The following SGCA variants were observed in gnomAD, a reference collection of about 807,000 sequenced individuals.
SGCA encodes the protein alpha-sarcoglycan.
SGCA carries 34 observed loss-of-function variants against 38.1 expected under a neutral mutation model. The ratio of observed to expected loss-of-function variants is 0.89; its 90% CI spans 0.68 to 1.19. The LOEUF (loss-of-function observed/expected upper bound fraction) is 1.19. Among genes scored for constraint, SGCA ranks in the 50% most tolerant of loss-of-function variants. The pLI, the probability that SGCA is intolerant of heterozygous loss-of-function variation, is 0.00. For missense variants in SGCA, 476 were observed against 524.9 expected, an observed-to-expected ratio of 0.91 and a Z score of 0.91; for synonymous variants, 209 against 214.6, an observed-to-expected ratio of 0.97 and a Z score of 0.23.
rs374090814 is a variant in SGCA, at chr17:50,168,626, G to A, written c.584+54G>A. The A allele has an allele frequency of 9.2e-5, 138 of 1,493,364 alleles. 1 individual carries two copies. Among genetic ancestry groups the A allele is most frequent in the South Asian group, 8.1e-4 (67 of 82,798 alleles). The allele number at this position is 1,493,364 out of a possible 1,614,324, so 92.5% of individuals were successfully genotyped here. A position where few individuals can be genotyped will look rare whatever the true frequency, so the allele number is the denominator to read the frequency against. ...GAAAGAGGAGGATGCAGCTTGTGGC[G>A]GGCATAGAACAAGGGTCTCCCTAAT... On this transcript the variant is annotated intron_variant, in intron 5 of 9. Transcript: ENST00000262018.
At chr17:50,172,411 G>T (rs1476880930) in intron 8 of SGCA, 1 of 418,134 alleles carries the variant, frequency 2.4e-6, no homozygotes, top group East Asian at 7.3e-5. Context: ...TGCGCTTGTG[G>T]GCCAGACAGC....
intron 8 of SGCA, 120 bp from the exon 9 acceptor site, chr17:50,175,137 G>A (rs919498039): frequency 1.2e-5 from 11 of 929,510 alleles, no homozygotes; most frequent in East Asian, 2.6e-5. Context: ...TGCATCATGT[G>A]TCTGAGTCTC....
chr17:50,170,205 G>A lies in SGCA; in HGVS notation c.810G>A (p.Glu270=), dbSNP rs1483971954. The A allele has an allele frequency of 3.7e-6, 6 of 1,614,078 alleles. 1 individual carries two copies. The South Asian group carries it at 6.6e-5, about 18-fold the overall frequency. The change falls in exon 7 of 10, where the codon GAG becomes GAA. Residue 270 remains glutamate (E), a synonymous_variant. Transcript: ENST00000262018. Reference sequence around the variant, plus strand: ...CCACCCCAGGTGATGGGATCCTGGAGCATGACCCGTTCTTCTGCCCACCCA... The same window carrying A: ...CCACCCCAGGTGATGGGATCCTGGAACATGACCCGTTCTTCTGCCCACCCA... ...EVPTPGDGIL[E]HDPFFCPPTE... is the part of the protein sequence containing the mutation.
intron 8 of SGCA, chr17:50,171,567 C>A (rs1391902622): frequency 6.6e-6 from 3 of 456,686 alleles, no homozygotes; most frequent in Non-Finnish European, 1.3e-5. Flanking sequence ...GCCGCTTGTG[C>A]CCCTGTTTGG....
In SGCA at chr17:50,167,503, G is replaced by C. The variant is rs1235267765; in HGVS notation, c.157+16G>C. On this transcript the variant is annotated intron_variant, in intron 2 of 9. Transcript: ENST00000262018. The surrounding 1 kb of genome is among the most constrained non-coding windows in gnomAD (Gnocchi z 4.5). Reference sequence around the variant, plus strand: ...GAGCATGTCGGTGAGCGGCCTGACAGGCACCCAGGCGGGCGGGCTGGGGTG... The same window carrying C: ...GAGCATGTCGGTGAGCGGCCTGACACGCACCCAGGCGGGCGGGCTGGGGTG... The C allele has an allele frequency of 4.3e-6, 7 of 1,614,032 alleles. No homozygotes were observed. Among genetic ancestry groups the C allele is most frequent in the Non-Finnish European group, 5.1e-6 (6 of 1,180,020 alleles).
chr17:50,171,880 C>T (rs557594242), intron 8 of SGCA: 68 of 456,784 alleles, frequency 1.5e-4, no homozygotes, highest in Non-Finnish European at 2.2e-4. Context: ...TCACCTTGGA[C>T]GTGCTGGGCT....
chr17:50,174,639 G>A (rs1237044124), intron 8 of SGCA, among the ~76,000 whole-genome samples: 2 of 151,810 alleles, frequency 1.3e-5, no homozygotes, highest in Non-Finnish European at 2.9e-5. Context: ...GAGCCACTGC[G>A]CCCGGCCTGG....
chr17:50,167,311 T>C lies in SGCA; in HGVS notation c.38-57T>C. ...AGGACTTGGTGGGGAAGGGAGCTTA[T>C]CCCCTGCCCAGGACTGAGGCTGGCC... On this transcript the variant is annotated intron_variant, in intron 1 of 9. Coordinates refer to ENST00000262018, the MANE Select transcript of SGCA (RefSeq NM_000023.4). The surrounding 1 kb of genome is among the most constrained non-coding windows in gnomAD (Gnocchi z 4.5). 1 of 1,611,678 alleles carries C rather than the reference T, an allele frequency of 6.2e-7. No individual in the cohort carries two copies.
chr17:50,172,215 C>T (rs201384458), intron 8 of SGCA: 5 of 457,098 alleles, frequency 1.1e-5, no homozygotes, highest in South Asian at 1.5e-5. Context: ...CGGTCACCCA[C>T]GGCTGGCCTC....
intron 4 of SGCA, 69 bp downstream of exon 4, chr17:50,168,088 G>T: frequency 1.4e-6 from 2 of 1,445,996 alleles, no homozygotes; most frequent in African/African-American, 1.4e-5. Flanking sequence ...CGGAGGGGGA[G>T]GGGGCTGTGG....
chr17:50,170,409 C>T (rs1905279943), intron 7 of SGCA, 58 bp downstream of exon 7: 4 of 1,513,554 alleles, frequency 2.6e-6, no homozygotes, highest in Non-Finnish European at 3.7e-6. Context: ...CCATGGGACT[C>T]ACAGTGGCAC....
In SGCA at chr17:50,167,716, C is replaced by T. The variant is rs138945081; in HGVS notation, c.292C>T (p.Arg98Cys). ...CTACGGCTCTGCCACCCCAGAAGAT[C>T]GTGGGCTCCAGGTCATTGAGGTGCC... is the stretch of plus-strand genomic sequence containing the variant. ...FLYGSATPEDRGLQVIEVTAY... is the reference protein window; with the variant it reads ...FLYGSATPEDCGLQVIEVTAY... Residue 98 changes from arginine (R) to cysteine (C), a missense_variant, in exon 3 of 10, where the codon CGT becomes TGT. Coordinates refer to ENST00000262018, the MANE Select transcript of SGCA (RefSeq NM_000023.4). The surrounding 1 kb of genome is among the most constrained non-coding windows in gnomAD (Gnocchi z 4.5). 2.7e-5 allele frequency: 44 copies of T among 1,611,858 alleles called. No homozygotes were observed. The African/African-American group carries it at 5.6e-4, about 21-fold the overall frequency.
At chr17:50,166,107 C>T in intron 1 of SGCA, 30 bp downstream of exon 1, 1 of 1,589,418 alleles carries the variant, frequency 6.3e-7, no homozygotes, top group South Asian at 1.1e-5. Context: ...AGCGGGGAGG[C>T]CCAGGATGAG....
Position 50,175,823 on chromosome 17 carries a change from A to C in SGCA, c.*124A>C. 2 of 482,858 alleles carry C rather than the reference A, an allele frequency of 4.1e-6. No individual in the cohort carries two copies. The highest frequency in any genetic ancestry group is 8.2e-6 in the Non-Finnish European group (2 of 244,734). 29.9% of individuals were successfully genotyped at this position (482,858 alleles called of 1,614,324 possible). ...CCCTCCTGGAACCCAGGCTCTAAAC[A>C]AGCAGGGAGAGGGGGTGGGGTGGGG... On this transcript the variant is annotated 3_prime_UTR_variant, in exon 10 of 10. Coordinates refer to ENST00000262018, the MANE Select transcript of SGCA (RefSeq NM_000023.4).
At chr17:50,166,739 TCACACACCCTCACACACCCTCACACAC>T (rs1904854743) in intron 1 of SGCA, among the ~76,000 whole-genome samples, 1 of 55,812 alleles carries the variant, frequency 1.8e-5, no homozygotes, top group Non-Finnish European at 3.3e-5. Flanking sequence ...ACACACACCC[TCACACACCCTCACACACCCTCACACAC>T]ACACCCTCAC....
At position 50,167,746 on chromosome 17, in the gene SGCA, G is replaced by A. The variant is rs1905041121; in HGVS notation, c.312+10G>A. 3 of 1,604,974 alleles carry A rather than the reference G, an allele frequency of 1.9e-6. No homozygotes were observed. The highest frequency in any genetic ancestry group is 2.6e-6 in the Non-Finnish European group (3 of 1,174,278). On this transcript the variant is annotated intron_variant, in intron 3 of 9. Coordinates refer to ENST00000262018, the MANE Select transcript of SGCA (RefSeq NM_000023.4). The surrounding 1 kb of genome is among the most constrained non-coding windows in gnomAD (Gnocchi z 4.5). ...GCTCCAGGTCATTGAGGTGCCGTCA[G>A]GGACCCTGAGAAAATCACAGGGGTG...
In SGCA at chr17:50,170,814, C is replaced by T. The variant is rs193052653; in HGVS notation, c.983+148C>T. Reference sequence around the variant, plus strand: ...TCCCTTGACCTCTGTAATCCCAGCACTTTGGGAGGCTGAGGTGGGAGGATT... The same window carrying T: ...TCCCTTGACCTCTGTAATCCCAGCATTTTGGGAGGCTGAGGTGGGAGGATT... On this transcript the variant is annotated intron_variant, in intron 8 of 9. Coordinates refer to ENST00000262018, the MANE Select transcript of SGCA (RefSeq NM_000023.4). 101 of 735,950 alleles carry T rather than the reference C, an allele frequency of 1.4e-4. 1 individual carries two copies. The highest frequency in any genetic ancestry group is 1.2e-3 in the Middle Eastern group (5 of 4,040). The allele number at this position is 735,950 out of a possible 1,614,324, so 45.6% of individuals were successfully genotyped here. A position where few individuals can be genotyped will look rare whatever the true frequency, so the allele number is the denominator to read the frequency against.
intron 6 of SGCA, 58 bp downstream of exon 6, chr17:50,169,312 C>T (rs995062611): frequency 2.8e-6 from 4 of 1,443,602 alleles, no homozygotes; most frequent in South Asian, 1.2e-5. Flanking sequence ...TCCCAGTCCC[C>T]CTTCCCTCCC....
chr17:50,169,445 A>ACACACACACG, intron 6 of SGCA, 191 bp downstream of exon 6: 1 of 574,608 alleles, frequency 1.7e-6, no homozygotes, highest in Non-Finnish European at 3.1e-6. Flanking sequence ...ACACACACAC[A>ACACACACACG]CCCCTGAAGT....
Sources: gnomAD v4.1 joint callset for allele counts (sites outside exome capture counted in the v4.1 genomes callset) on GRCh38, gnomAD v4.1.1 for gene constraint, Gnocchi (gnomAD v3.1) non-coding constraint, MANE v1.5 for transcripts, NCBI Gene and HGNC (gene_info 2026-07-23, HGNC 2026-07-21) for gene names.